APAF1: variants seen among roughly 807,000 people sequenced by gnomAD.
The protein encoded by APAF1 is apoptotic peptidase activating factor 1.
Under a neutral mutation model 152.4 loss-of-function variants are expected in APAF1, and 91 were observed. The ratio of observed to expected loss-of-function variants is 0.60; its 90% CI spans 0.50 to 0.71. The LOEUF is 0.71. APAF1 is among the 30% of genes least tolerant of loss of function. The probability of loss-of-function intolerance (pLI) is 0.00; values close to 1 mark genes in which losing one functional copy is unlikely to be tolerated. For missense variants in APAF1, 1,283 were observed against 1,472.0 expected (o/e 0.87, Z 2.10); for synonymous variants, 484 against 494.1 (o/e 0.98, Z 0.27).
rs943984032 is a variant in APAF1 at position 98,677,485 on chromosome 12, T to C, written c.1854T>C (p.Val618=). 8 of 1,614,090 alleles carry C rather than the reference T, an allele frequency of 5.0e-6. No individual in the cohort carries two copies. The African/African-American group carries it at 9.3e-5, about 19-fold the overall frequency. The stretch of plus-strand genomic sequence containing the variant: ...TTGTCCGCCCCCACACAGATGCTGT[T>C]TACCATGCCTGCTTTTCTGAGGATG... ...RLVVRPHTDA[V]YHACFSEDGQ... is the part of the protein sequence containing the mutation. The change falls in exon 13 of 27, where the codon GTT becomes GTC. Residue 618 remains valine (V), a synonymous_variant. Transcript: ENST00000551964.
chr12:98,660,457 GTTTGT>G (rs1159608430), intron 5 of APAF1, among the ~76,000 whole-genome samples: 1 of 152,186 alleles, frequency 6.6e-6, no homozygotes, highest in Non-Finnish European at 1.5e-5. Flanking sequence ...TCAGGAGTGA[GTTTGT>G]TTTGTTTGTT....
chr12:98,699,434 G>C lies in APAF1; in HGVS notation c.2331G>C (p.Glu777Asp), dbSNP rs1265709632. Residue 777 changes from glutamate (E) to aspartate (D), a missense_variant, in exon 17 of 27, where the codon GAG becomes GAC. Physicochemically the swap from Glu to Asp is conservative, Grantham distance 45. Coordinates refer to ENST00000551964, the MANE Select transcript of APAF1 (RefSeq NM_181861.2). The stretch of plus-strand genomic sequence containing the variant: ...TTTGGGATGCGACATCAGCAAATGA[G>C]AGGAAAAGCATTAATGTGAAACAGT... ...LKLWDATSAN[E>D]RKSINVKQFF... 5.6e-6 allele frequency: 9 copies of C among 1,613,924 alleles called. No individual in the cohort carries two copies. The highest frequency in any genetic ancestry group is 7.6e-6 in the Non-Finnish European group (9 of 1,179,992).
chr12:98,670,843 T>C, intron 10 of APAF1, 130 bp from the exon 11 acceptor site: 1 of 649,586 alleles, frequency 1.5e-6, no homozygotes, highest in South Asian at 1.8e-5. Flanking sequence ...GTGTTCTTTC[T>C]CACTAGCTTT....
intron 12 of APAF1, among the ~76,000 whole-genome samples, chr12:98,676,953 C>T (rs149355843): frequency 3.0e-4 from 45 of 152,274 alleles, no homozygotes; most frequent in African/African-American, 1.0e-3. Flanking sequence ...CTGAGAAGAG[C>T]AGCTTTAAAG....
intron 21 of APAF1, among the ~76,000 whole-genome samples, chr12:98,715,056 T>G (rs2097732545): frequency 6.8e-6 from 1 of 147,832 alleles, no homozygotes; most frequent in South Asian, 2.1e-4. Flanking sequence ...TTCTTCTCTC[T>G]TATCCATCTT....
intron 15 of APAF1, 65 bp downstream of exon 15, chr12:98,683,339 T>C: frequency 6.7e-7 from 1 of 1,501,842 alleles, no homozygotes; most frequent in South Asian, 1.1e-5. Context: ...TCTCCTTTGA[T>C]TTTCTTATGT....
chr12:98,672,042 CCT>C (rs1379011578), intron 12 of APAF1, among the ~76,000 whole-genome samples: 2 of 152,110 alleles, frequency 1.3e-5, no homozygotes, highest in Non-Finnish European at 2.9e-5. Flanking sequence ...TGGGTTTGAG[CCT>C]CAGTTCTAAA....
chr12:98,689,661 G>A (rs773960391), intron 16 of APAF1, among the ~76,000 whole-genome samples: 5 of 151,996 alleles, frequency 3.3e-5, no homozygotes, highest in Non-Finnish European at 5.9e-5. Context: ...GGGCCTCCCT[G>A]TGTTACCCAG....
Position 98,712,354 on chromosome 12 carries a change from G to T in APAF1, c.2877G>T (p.Leu959=). 6.2e-7 allele frequency: 1 copy of T among 1,613,238 alleles called. No homozygotes were observed. The highest frequency in any genetic ancestry group is 8.5e-7 in the Non-Finnish European group (1 of 1,179,414). The part of the protein sequence containing the change: ...INGRTGQIDY[L]TEAQVSCCCL... ...GAAGAACAGGTCAGATTGATTATCTGACTGAAGCTCAAGTTAGCTGCTGTT... is the reference window on the plus strand; with the variant it reads ...GAAGAACAGGTCAGATTGATTATCTTACTGAAGCTCAAGTTAGCTGCTGTT... The change falls in exon 21 of 27, where the codon CTG becomes CTT. Residue 959 remains leucine, a synonymous_variant. Coordinates refer to ENST00000551964, the MANE Select transcript of APAF1 (RefSeq NM_181861.2).
chr12:98,692,168 C>A lies in APAF1; in HGVS notation c.2304+5295C>A, dbSNP rs943868739. Among the ~76,000 whole-genome samples the A allele has an allele frequency of 4.6e-5, 7 of 152,202 alleles. No individual in the cohort carries two copies. The East Asian group carries it at 1.4e-3, about 29-fold the overall frequency. ...CGCGATCTCGGCTCACTGCAAGCTC[C>A]GCCTCCTGGGTTCATGCCATTCTCC... On this transcript the variant is annotated intron_variant, in intron 16 of 26. Transcript: ENST00000551964.
chr12:98,726,737 A>G (rs1457203429), intron 25 of APAF1: 4 of 155,468 alleles, frequency 2.6e-5, no homozygotes, highest in Non-Finnish European at 5.7e-5. Flanking sequence ...CTCCATTAAA[A>G]TTGTGTTATT....
At position 98,667,712 on chromosome 12, in the gene APAF1, C is replaced by T. The variant is rs767409373; in HGVS notation, c.1494+68C>T. The T allele has an allele frequency of 9.8e-4, 1,387 of 1,415,322 alleles. 1 individual carries two copies. The highest frequency in any genetic ancestry group is 1.2e-3 in the Non-Finnish European group (1,204 of 1,041,936). 87.7% of individuals were successfully genotyped at this position (1,415,322 alleles called of 1,614,324 possible). On this transcript the variant is annotated intron_variant, in intron 10 of 26. Coordinates refer to ENST00000551964, the MANE Select transcript of APAF1 (RefSeq NM_181861.2). ...TTTCCATATGTATTACAAATAAGTG[C>T]TTTTTTTCTGTTATTTTTTGTCTTG...
intron 3 of APAF1, chr12:98,649,093 AGTTCTATGT>A: frequency 1.1e-5 from 5 of 457,234 alleles, no homozygotes; most frequent in Non-Finnish European, 1.4e-5. Flanking sequence ...TTTATTTTCC[AGTTCTATGT>A]GTTTATAGAG....
At position 98,669,687 on chromosome 12, in the gene APAF1, G is replaced by A. The variant is rs559134996; in HGVS notation, c.1495-1286G>A. On this transcript the variant is annotated intron_variant, in intron 10 of 26. Coordinates refer to ENST00000551964, the MANE Select transcript of APAF1 (RefSeq NM_181861.2). ...TAGATTGTTTAAGCATATTCATCTG[G>A]TTATTTTCTTAGGATACTTTTTTAT... Among the ~76,000 whole-genome samples, 276 of 152,226 alleles carry A rather than the reference G, an allele frequency of 1.8e-3. 1 individual carries two copies. The highest frequency in any genetic ancestry group is 6.4e-3 in the African/African-American group (265 of 41,540).
intron 4 of APAF1, among the ~76,000 whole-genome samples, chr12:98,656,331 T>C (rs147892161): frequency 6.6e-6 from 1 of 152,360 alleles, no homozygotes; most frequent in African/African-American, 2.4e-5. Context: ...AGCTTTAAGT[T>C]TAAGTGAAGT....
intron 9 of APAF1, 108 bp from the exon 10 acceptor site, chr12:98,667,405 C>G (rs536177549): frequency 9.9e-5 from 139 of 1,402,852 alleles, no homozygotes; most frequent in Admixed American, 1.9e-4. Flanking sequence ...CGTGAGCCAC[C>G]GAGCCCGGCC....
chr12:98,728,725 A>G (rs1038554048), intron 26 of APAF1, among the ~76,000 whole-genome samples: 19 of 152,172 alleles, frequency 1.2e-4, no homozygotes, highest in African/African-American at 3.1e-4. Flanking sequence ...TATCTCAAAA[A>G]CAAACAAACA....
chr12:98,649,221 A>G, intron 3 of APAF1: 1 of 984,292 alleles, frequency 1.0e-6, no homozygotes, highest in Non-Finnish European at 1.2e-6. Flanking sequence ...AGAGGGAATG[A>G]AAAGTCAGGA....
chr12:98,654,403 A>T (rs1284495197), intron 4 of APAF1, among the ~76,000 whole-genome samples: 1 of 152,018 alleles, frequency 6.6e-6, no homozygotes, highest in Non-Finnish European at 1.5e-5. Flanking sequence ...TCTTGGGATG[A>T]TTTTTACAAA....
Sources: allele counts gnomAD v4.1 joint callset (sites outside exome capture counted in the v4.1 genomes callset), GRCh38; gene constraint gnomAD v4.1.1; transcripts MANE v1.5; gene names NCBI Gene and HGNC (gene_info 2026-07-23, HGNC 2026-07-21).